The following RSRC1 variants were observed in gnomAD, a reference collection of about 807,000 sequenced individuals.
The protein encoded by RSRC1 is serine/Arginine-related protein 53.
A neutral mutation model predicts 49.1 loss-of-function variants in RSRC1; 39 were observed. The observed-to-expected ratio is 0.79, with a 90% CI of 0.61 to 1.04. RSRC1 has a LOEUF of 1.04. Among genes scored for constraint, RSRC1 ranks in the 50% least tolerant of loss-of-function variants. The probability of loss-of-function intolerance (pLI) is 0.00; values close to 1 mark genes in which losing one functional copy is unlikely to be tolerated. For missense variants in RSRC1, 388 were observed against 402.4 expected, an observed-to-expected ratio of 0.96 and a Z score of 0.31; for synonymous variants, 143 against 130.8, an observed-to-expected ratio of 1.09 and a Z score of -0.63.
At chr3:158,282,858 G>A (rs1165470499) in intron 4 of RSRC1, among the ~76,000 whole-genome samples, 1 of 152,144 alleles carries the variant, frequency 6.6e-6, no homozygotes, top group African/African-American at 2.4e-5. Context: ...TATAAAGCAG[G>A]CAATGACAAG....
intron 8 of RSRC1, among the ~76,000 whole-genome samples, chr3:158,540,610 C>A (rs929750277): frequency 6.6e-5 from 10 of 152,016 alleles, no homozygotes; most frequent in African/African-American, 2.4e-4. Context: ...ATATCATCAT[C>A]CCCAAAATAG....
At chr3:158,343,007 G>A (rs1374733085) in intron 5 of RSRC1, among the ~76,000 whole-genome samples, 2 of 152,200 alleles carry the variant, frequency 1.3e-5, no homozygotes, top group Admixed American at 1.3e-4. Context: ...GGGATTCACA[G>A]AACAAGTTAC....
In RSRC1 at chr3:158,249,047, TTGAG is replaced by T. The variant is rs1374361365; in HGVS notation, c.494+45804_494+45807del. 2.6e-5 allele frequency among the ~76,000 whole-genome samples: 4 copies of T among 152,326 alleles called. 1 individual carries two copies. The highest frequency in any genetic ancestry group is 2.6e-4 in the Admixed American group (4 of 15,294). On this transcript the variant is annotated intron_variant, in intron 4 of 9. Transcript: ENST00000611884. ...TCCATTTTTCTGATACCTAATAATATTGAGTATCAATTATTTGCTTTTTGGCCAC... is the reference window on the plus strand; with the variant it reads ...TCCATTTTTCTGATACCTAATAATATTATCAATTATTTGCTTTTTGGCCAC...
At chr3:158,244,480 C>T (rs559589552) in intron 4 of RSRC1, among the ~76,000 whole-genome samples, 11 of 152,180 alleles carry the variant, frequency 7.2e-5, no homozygotes, top group South Asian at 4.1e-4. Flanking sequence ...CCTGCTTGAT[C>T]GTGGTGGATA....
chr3:158,400,094 A>C (rs545157385), intron 6 of RSRC1, among the ~76,000 whole-genome samples: 33 of 152,264 alleles, frequency 2.2e-4, no homozygotes, highest in African/African-American at 7.7e-4. Flanking sequence ...GTAGAGTTAC[A>C]TACAGTCATA....
chr3:158,294,971 T>C (rs1727154783), intron 4 of RSRC1, among the ~76,000 whole-genome samples: 1 of 152,150 alleles, frequency 6.6e-6, no homozygotes, highest in Non-Finnish European at 1.5e-5. Context: ...AGTCATTGTA[T>C]TGGGTGCTGG....
intron 7 of RSRC1, among the ~76,000 whole-genome samples, chr3:158,505,008 T>TA (rs1450639290): frequency 6.6e-6 from 1 of 152,238 alleles, no homozygotes; most frequent in African/African-American, 2.4e-5. Flanking sequence ...TCTTGTGTAT[T>TA]ACTAACACAA....
chr3:158,132,191 G>T, intron 3 of RSRC1: 2 of 427,196 alleles, frequency 4.7e-6, no homozygotes, highest in South Asian at 1.7e-5. Flanking sequence ...TCACCATGTT[G>T]CCCAGGCTGG....
chr3:158,298,172 A>G, intron 5 of RSRC1, 97 bp downstream of exon 5: 1 of 905,204 alleles, frequency 1.1e-6, no homozygotes, highest in South Asian at 1.5e-5. Context: ...TGTATTGAGA[A>G]AGTCAACCAT....
chr3:158,511,752 G>T (rs959409265), intron 7 of RSRC1, among the ~76,000 whole-genome samples: 3 of 152,098 alleles, frequency 2.0e-5, no homozygotes, highest in East Asian at 1.9e-4. Flanking sequence ...GTGTAAAAGT[G>T]TTCCTATTTC....
chr3:158,317,575 G>A (rs1449807310), intron 5 of RSRC1, among the ~76,000 whole-genome samples: 1 of 149,342 alleles, frequency 6.7e-6, no homozygotes, highest in Non-Finnish European at 1.5e-5. Flanking sequence ...TATTTTATTT[G>A]TGAGACAGAG....
chr3:158,122,440 T>G (rs988691784), intron 2 of RSRC1, 142 bp downstream of exon 2: 2 of 590,566 alleles, frequency 3.4e-6, no homozygotes, highest in African/African-American at 2.0e-5. Context: ...AGAGTTTTTT[T>G]GTTCCACCAG....
intron 3 of RSRC1, chr3:158,136,618 G>T (rs1351662024): frequency 1.3e-5 from 2 of 151,724 alleles, no homozygotes; most frequent in African/African-American, 4.9e-5. Flanking sequence ...TTTAGGTGAG[G>T]GAGCTAAGAC....
At chr3:158,302,890 T>G (rs1433421480) in intron 5 of RSRC1, 2 of 152,088 alleles carry the variant, frequency 1.3e-5, no homozygotes, top group Admixed American at 1.3e-4. Context: ...GGCCTCAAAC[T>G]CCTGACCTCA....
At chr3:158,434,711 GA>G (rs1291431089) in intron 6 of RSRC1, among the ~76,000 whole-genome samples, 1 of 151,648 alleles carries the variant, frequency 6.6e-6, no homozygotes, top group Non-Finnish European at 1.5e-5. Context: ...ATTCACAAAA[GA>G]AAAAAAGAAA....
At position 158,381,428 on chromosome 3, in the gene RSRC1, G is replaced by A. The variant is rs538952004; in HGVS notation, c.583+26520G>A. Among the ~76,000 whole-genome samples, 62 of 152,210 alleles carry A rather than the reference G, an allele frequency of 4.1e-4. 2 individuals are homozygous for A. The highest frequency in any genetic ancestry group is 1.7e-3 in the South Asian group (8 of 4,818). On this transcript the variant is annotated intron_variant, in intron 6 of 9. Transcript: ENST00000611884. ...GTATTACAGTAAGAAGTGATCTCTC[G>A]CAGTTCTTGCATATTTTTCATTGTG...
At chr3:158,179,094 TA>T (rs2108249367) in intron 3 of RSRC1, among the ~76,000 whole-genome samples, 1 of 152,346 alleles carries the variant, frequency 6.6e-6, no homozygotes, top group East Asian at 1.9e-4. Flanking sequence ...AAAATTGTTT[TA>T]TTTCCATTTC....
At chr3:158,392,091 A>C (rs1733338804) in intron 6 of RSRC1, among the ~76,000 whole-genome samples, 1 of 152,106 alleles carries the variant, frequency 6.6e-6, no homozygotes, top group African/African-American at 2.4e-5. Flanking sequence ...GATGTCAGAA[A>C]GCTGTGTGGG....
intron 3 of RSRC1, among the ~76,000 whole-genome samples, chr3:158,154,454 T>C (rs558198634): frequency 6.7e-6 from 1 of 148,950 alleles, no homozygotes; most frequent in South Asian, 2.1e-4. Context: ...TCTAGTATTT[T>C]ACCGATCATA....
Sources: allele counts gnomAD v4.1 joint callset (sites outside exome capture counted in the v4.1 genomes callset), GRCh38; gene constraint gnomAD v4.1.1; transcripts MANE v1.5; gene names NCBI Gene and HGNC (gene_info 2026-07-23, HGNC 2026-07-21).